MYO16: variants seen among roughly 807,000 people sequenced by gnomAD.
The protein encoded by MYO16 is unconventional myosin-XVI.
MYO16 carries 94 observed loss-of-function variants against 205.3 expected under a neutral mutation model. That is an observed-to-expected ratio of 0.46 (90% CI 0.39 to 0.54). The LOEUF is 0.54. Among genes scored for constraint, MYO16 ranks in the 20% least tolerant of loss-of-function variants. The probability of loss-of-function intolerance (pLI) is 0.00; values close to 1 mark genes in which losing one functional copy is unlikely to be tolerated. For missense variants in MYO16, 2,315 were observed against 2,387.5 expected, an observed-to-expected ratio of 0.97 and a Z score of 0.63; for synonymous variants, 988 against 954.0, an observed-to-expected ratio of 1.04 and a Z score of -0.66.
intron 4 of MYO16, among the ~76,000 whole-genome samples, chr13:108,740,547 T>A (rs9301312): frequency 3.9e-5 from 6 of 151,978 alleles, no homozygotes. Context: ...CTGCCCCTAC[T>A]GAGGGGTTCC....
At chr13:108,898,971 G>C (rs1880575749) in intron 15 of MYO16, among the ~76,000 whole-genome samples, 1 of 152,140 alleles carries the variant, frequency 6.6e-6, no homozygotes, top group African/African-American at 2.4e-5. Context: ...ATTTCTGAAA[G>C]AGTTTAATTT....
the MYO16 span, among the ~76,000 whole-genome samples, chr13:108,543,535 C>T: frequency 2.7e-3 from 407 of 150,490 alleles, 3 homozygotes; most frequent in African/African-American, 9.1e-3. Context: ...CCAGCTACTC[C>T]GGAGGCTGAG....
Position 108,712,714 on chromosome 13 carries a change from G to A in MYO16, c.346G>A (p.Gly116Arg), listed in dbSNP as rs141949278. 1.2e-6 allele frequency: 2 copies of A among 1,613,798 alleles called. No individual in the cohort carries two copies. The highest frequency in any genetic ancestry group is 2.7e-5 in the African/African-American group (2 of 74,914). The change falls in exon 3 of 35, where the codon GGG becomes AGG. Residue 116 changes from glycine to arginine, a missense_variant. Coordinates refer to ENST00000457511, the MANE Select transcript of MYO16 (RefSeq NM_001198950.3). ...CCCCCACACCCTCGTCTCCTCGGGA[G>A]GGTCCCTGCTCCATCTGGTAAGAAC... ...ADPHTLVSSG[G>R]SLLHLCARYD...
At chr13:108,839,673 C>T (rs1430843201) in intron 9 of MYO16, among the ~76,000 whole-genome samples, 1 of 152,166 alleles carries the variant, frequency 6.6e-6, no homozygotes, top group Non-Finnish European at 1.5e-5. Context: ...CCTGTAACAG[C>T]ACTTTCTCTA....
Position 109,052,300 on chromosome 13 carries a change from C to G in MYO16, c.2873C>G (p.Thr958Ser). ...CGATATTCATTTATTTATTTCCTAG[C>G]TAGTGAAAATGTCGTGATCAATCAT... Reference protein sequence around the residue: ...LSQNLLFVMKTSENVVINHLF... With the variant: ...LSQNLLFVMKSSENVVINHLF... The change falls in exon 25 of 35, where the codon ACT becomes AGT. Residue 958 changes from threonine (T) to serine (S), a missense_variant and splice_region_variant. Transcript: ENST00000457511. The G allele has an allele frequency of 6.2e-7, 1 of 1,610,826 alleles. No homozygotes were observed. The highest frequency in any genetic ancestry group is 8.5e-7 in the Non-Finnish European group (1 of 1,177,580).
intron 11 of MYO16, among the ~76,000 whole-genome samples, chr13:108,859,651 G>T (rs530844936): frequency 6.6e-6 from 1 of 152,054 alleles, no homozygotes; most frequent in Non-Finnish European, 1.5e-5. Flanking sequence ...ACACATGCTC[G>T]CCAGGAAATG....
intron 33 of MYO16, among the ~76,000 whole-genome samples, chr13:109,179,148 A>G (rs1879345907): frequency 6.6e-6 from 1 of 152,072 alleles, no homozygotes; most frequent in Non-Finnish European, 1.5e-5. Flanking sequence ...CTGCAATCCT[A>G]TGAATGGCAG....
chr13:108,757,616 C>T (rs1267637961), intron 4 of MYO16, among the ~76,000 whole-genome samples: 2 of 152,066 alleles, frequency 1.3e-5, no homozygotes, highest in African/African-American at 4.8e-5. Flanking sequence ...TCTCCTAATG[C>T]TATCCCTCCC....
rs1016099719 is a variant in MYO16 at position 109,161,162 on chromosome 13, T to C, written c.5165-3739T>C. ...AGAGGAGAACCCCAAAGTGGGGATG[T>C]CGATACTGAAGCCGCAGCACTATTG... On this transcript the variant is annotated intron_variant, in intron 32 of 34. Transcript: ENST00000457511. 2.6e-5 allele frequency among the ~76,000 whole-genome samples: 4 copies of C among 152,224 alleles called. No individual in the cohort carries two copies. In the East Asian group the frequency reaches 7.7e-4, roughly 29 times the overall value.
At chr13:108,560,387 G>T in the MYO16 span, among the ~76,000 whole-genome samples, 2 of 152,166 alleles carry the variant, frequency 1.3e-5, no homozygotes, top group Admixed American at 1.3e-4. Flanking sequence ...ACAGGGATAC[G>T]CTCAAGCCAA....
chr13:108,604,409 G>A (rs910903740), intron 1 of MYO16, among the ~76,000 whole-genome samples: 2 of 152,178 alleles, frequency 1.3e-5, no homozygotes, highest in Admixed American at 6.5e-5. Context: ...AAAAAAGAAT[G>A]CAGTAGTAAC....
chr13:108,836,060 C>G (rs1278755385), intron 9 of MYO16, among the ~76,000 whole-genome samples: 1 of 152,086 alleles, frequency 6.6e-6, no homozygotes, highest in Non-Finnish European at 1.5e-5. Context: ...CACAGCAGCC[C>G]CTCTCATCAC....
intron 23 of MYO16, among the ~76,000 whole-genome samples, chr13:109,037,881 A>G (rs987799408): frequency 1.3e-5 from 2 of 152,202 alleles, no homozygotes; most frequent in Non-Finnish European, 2.9e-5. Flanking sequence ...GATGCCTCTC[A>G]GAGACTTGGG....
At chr13:109,033,814 G>A (rs1886622354) in intron 23 of MYO16, among the ~76,000 whole-genome samples, 1 of 152,114 alleles carries the variant, frequency 6.6e-6, no homozygotes, top group Non-Finnish European at 1.5e-5. Context: ...TTTCTACAAG[G>A]CCACTACTCT....
At chr13:108,964,956 A>C (rs879370491) in intron 20 of MYO16, 54 bp downstream of exon 20, 1 of 1,568,226 alleles carries the variant, frequency 6.4e-7, no homozygotes, top group Non-Finnish European at 8.7e-7. Context: ...AAATAACTTA[A>C]AGGCTCAACT....
At chr13:108,717,929 A>G (rs1884012417) in intron 3 of MYO16, among the ~76,000 whole-genome samples, 1 of 152,218 alleles carries the variant, frequency 6.6e-6, no homozygotes, top group Admixed American at 6.5e-5. Context: ...TAAAACCAAC[A>G]TATAAAATTA....
intron 1 of MYO16, among the ~76,000 whole-genome samples, chr13:108,647,474 C>A (rs1880805924): frequency 6.6e-6 from 1 of 152,132 alleles, no homozygotes; most frequent in Admixed American, 6.5e-5. Flanking sequence ...GATTCCAATT[C>A]TTGTTTTAGC....
chr13:108,692,300 T>C (rs531111510), intron 2 of MYO16, among the ~76,000 whole-genome samples: 145 of 151,968 alleles, frequency 9.5e-4, no homozygotes, highest in Middle Eastern at 3.4e-3. Context: ...CTTTTGAAAC[T>C]GACTGAGGTA....
intron 32 of MYO16, among the ~76,000 whole-genome samples, chr13:109,155,359 A>G (rs545645593): frequency 6.6e-6 from 1 of 152,218 alleles, no homozygotes; most frequent in East Asian, 1.9e-4. Flanking sequence ...TAAGTTCAAG[A>G]GGAATTTCGA....
Sources: gnomAD v4.1 joint callset for allele counts (sites outside exome capture counted in the v4.1 genomes callset) on GRCh38, gnomAD v4.1.1 for gene constraint, MANE v1.5 for transcripts, NCBI Gene and HGNC (gene_info 2026-07-23, HGNC 2026-07-21) for gene names.